Variants in NEK6 observed in about 807,000 individuals in gnomAD.
NEK6 encodes serine/threonine-protein kinase Nek6.
In NEK6, 27 loss-of-function variants were observed where a neutral mutation model predicts 43.5. The observed-to-expected ratio is 0.62, with a 90% CI of 0.46 to 0.86. NEK6 has a LOEUF of 0.86. Ranked by LOEUF, NEK6 falls within the 40% of genes least tolerant of loss-of-function variation. The pLI is 0.00. For missense variants in NEK6, 318 were observed against 414.4 expected (o/e 0.77, Z 2.02); for synonymous variants, 167 against 164.1 (o/e 1.02, Z -0.14).
intron 1 of NEK6, among the ~76,000 whole-genome samples, chr9:124,294,849 G>GC (rs1247083805): frequency 3.3e-5 from 5 of 152,212 alleles, no homozygotes; most frequent in African/African-American, 1.2e-4. Flanking sequence ...AGGCTGGGCT[G>GC]CAGGGGAGTG....
intron 8 of NEK6, among the ~76,000 whole-genome samples, chr9:124,340,252 GT>G (rs930770884): frequency 6.6e-6 from 1 of 152,216 alleles, no homozygotes; most frequent in Non-Finnish European, 1.5e-5. Flanking sequence ...GAGCCCAGAC[GT>G]GAGACAATAA....
At chr9:124,331,489 G>A (rs906907484) in intron 7 of NEK6, among the ~76,000 whole-genome samples, 1 of 152,144 alleles carries the variant, frequency 6.6e-6, no homozygotes, top group Admixed American at 6.5e-5. Flanking sequence ...GAGGGTTTGG[G>A]TTGTGGGTGC....
intron 1 of NEK6, among the ~76,000 whole-genome samples, chr9:124,296,154 G>A (rs761912920): frequency 4.6e-5 from 7 of 152,256 alleles, no homozygotes; most frequent in Non-Finnish European, 7.3e-5. Context: ...ATCCATCCTC[G>A]GCTTCTGCCA....
chr9:124,263,216 A>G (rs1055318066), intron 1 of NEK6, among the ~76,000 whole-genome samples: 1 of 152,240 alleles, frequency 6.6e-6, no homozygotes, highest in Non-Finnish European at 1.5e-5. Context: ...AGAGCTTCGC[A>G]CACACCCACT....
chr9:124,323,355 C>A (rs1834167324), intron 5 of NEK6, among the ~76,000 whole-genome samples: 1 of 152,178 alleles, frequency 6.6e-6, no homozygotes. Context: ...TCACGTAGGG[C>A]CTGTTGCTCC....
At chr9:124,280,264 A>G (rs531839546) in intron 1 of NEK6, among the ~76,000 whole-genome samples, 30 of 152,264 alleles carry the variant, frequency 2.0e-4, no homozygotes, top group African/African-American at 7.0e-4. Context: ...CCCAGAAAAG[A>G]GTGTGTTTCC....
chr9:124,261,374 C>A, intron 1 of NEK6: 1 of 982,768 alleles, frequency 1.0e-6, no homozygotes, highest in Non-Finnish European at 1.2e-6. Context: ...TTCCTCTTCT[C>A]AGGCTAGACC....
chr9:124,270,328 A>G (rs1045774), intron 1 of NEK6, among the ~76,000 whole-genome samples: 52,071 of 152,012 alleles, frequency 0.34, 9,111 homozygotes, highest in South Asian at 0.38. Context: ...CTGAGTGTCC[A>G]AGAAGCCTCT....
At chr9:124,292,492 G>T (rs998774878) in intron 1 of NEK6, 6 of 1,537,104 alleles carry the variant, frequency 3.9e-6, no homozygotes, top group Non-Finnish European at 5.2e-6. Context: ...AGCTTTCCCT[G>T]CATGGAGGCC....
At chr9:124,306,555 T>C (rs1833264394) in intron 2 of NEK6, among the ~76,000 whole-genome samples, 1 of 152,148 alleles carries the variant, frequency 6.6e-6, no homozygotes, top group Non-Finnish European at 1.5e-5. Flanking sequence ...GAGGAGTTGC[T>C]TACTCAATGC....
chr9:124,327,831 T>C (rs541950803), intron 7 of NEK6, among the ~76,000 whole-genome samples: 27 of 152,300 alleles, frequency 1.8e-4, no homozygotes, highest in African/African-American at 6.5e-4. Context: ...AGTTTCTGGC[T>C]TTTAAACTGG....
At chr9:124,312,043 G>C (rs1368768833) in intron 2 of NEK6, among the ~76,000 whole-genome samples, 1 of 152,222 alleles carries the variant, frequency 6.6e-6, no homozygotes, top group Non-Finnish European at 1.5e-5. Context: ...GCTGCCCCAG[G>C]AAGGGAACTT....
rs1204267398 is a variant in NEK6, at chr9:124,339,572, G to A, written c.624G>A (p.Val208=). The A allele has an allele frequency of 1.9e-6, 3 of 1,612,984 alleles. No individual in the cohort carries two copies. The highest frequency in any genetic ancestry group is 1.7e-5 in the Admixed American group (1 of 60,010). ...SSETTAAHSL[V]GTPYYMSPER... ...GCCCCGCCCCTTGCTGTGTTGCAGTGGGGACGCCCTACTACATGTCACCGG... is the reference window on the plus strand; with the variant it reads ...GCCCCGCCCCTTGCTGTGTTGCAGTAGGGACGCCCTACTACATGTCACCGG... Residue 208 remains valine, a splice_region_variant and synonymous_variant, in exon 8 of 10, where the codon GTG becomes GTA. Coordinates refer to ENST00000320246, the MANE Select transcript of NEK6 (RefSeq NM_014397.6).
Position 124,350,895 on chromosome 9 carries a change from G to A in NEK6, c.890G>A (p.Gly297Glu). 1 of 1,612,174 alleles carries A rather than the reference G, an allele frequency of 6.2e-7. No individual in the cohort carries two copies. ...CPDPHQRPDI[G>E]YVHQVAKQMH... is the part of the protein sequence containing the mutation. ...GACCCCCACCAGAGACCTGACATCG[G>A]ATACGTGCACCAGGTGGCCAAGCAG... Residue 297 changes from glycine to glutamate, a missense_variant, in exon 10 of 10, where the codon GGA (glycine) becomes GAA (glutamate). Physicochemically the swap from Gly to Glu is moderately conservative, Grantham distance 98 (BLOSUM62 -2). This residue lies in a region of NEK6 where 79 missense variants were observed against 70.0 expected (regional missense o/e 1.13). Coordinates refer to ENST00000320246, the MANE Select transcript of NEK6 (RefSeq NM_014397.6).
In NEK6 at chr9:124,258,076, C is replaced by T; in HGVS notation, c.-39C>T. The stretch of plus-strand genomic sequence containing the variant: ...GTCCCCCAGCGGCAGCCGAGCCCGC[C>T]CGCGCGCCGGTGAGTCGCCTGGGGC... On this transcript the variant is annotated 5_prime_UTR_variant, in exon 1 of 10. Coordinates refer to ENST00000320246, the MANE Select transcript of NEK6 (RefSeq NM_014397.6). The T allele has an allele frequency of 3.1e-6, 3 of 979,298 alleles. No individual in the cohort carries two copies. The highest frequency in any genetic ancestry group is 3.6e-6 in the Non-Finnish European group (3 of 827,606). 60.7% of individuals were successfully genotyped at this position (979,298 alleles called of 1,614,324 possible).
chr9:124,258,554 T>C (rs931722253), intron 1 of NEK6, among the ~76,000 whole-genome samples: 2 of 152,192 alleles, frequency 1.3e-5, no homozygotes, highest in African/African-American at 4.8e-5. Context: ...AAAGTATGCC[T>C]GTGTGGGTGT....
Position 124,343,850 on chromosome 9 carries a change from T to G in NEK6, c.718-3859T>G, listed in dbSNP as rs1427276353. 3.3e-5 allele frequency among the ~76,000 whole-genome samples: 5 copies of G among 152,026 alleles called. No individual in the cohort carries two copies. The highest frequency in any genetic ancestry group is 2.6e-4 in the Admixed American group (4 of 15,270). On this transcript the variant is annotated intron_variant, in intron 8 of 9. Coordinates refer to ENST00000320246, the MANE Select transcript of NEK6 (RefSeq NM_014397.6). The surrounding 1 kb of genome is among the most constrained non-coding windows in gnomAD (Gnocchi z 5.1). ...CAAGCCCCAGCACAGCCCGGAAGGC[T>G]CAAAAGCCCCTGTGCTCATCCCTGT...
chr9:124,352,373 G>GTACTT lies in NEK6; in HGVS notation c.*1428_*1432dup, dbSNP rs1830318821. ...TCTCTCCATATGCAGCCTTTCCTCT[G>GTACTT]TACTTTTCTCCATGGTTGAAATAAA... is the stretch of plus-strand genomic sequence containing the variant. On this transcript the variant is annotated 3_prime_UTR_variant, in exon 10 of 10. Transcript: ENST00000320246. The GTACTT allele has an allele frequency of 6.6e-6, 1 of 152,330 alleles. No individual in the cohort carries two copies. Among genetic ancestry groups the GTACTT allele is most frequent in the Admixed American group, 6.5e-5 (1 of 15,300 alleles). The allele number at this position is 152,330 out of a possible 1,614,324, so 9.4% of individuals were successfully genotyped here.
intron 1 of NEK6, chr9:124,262,940 T>G (rs1023069951): frequency 1.3e-5 from 2 of 152,166 alleles, no homozygotes; most frequent in African/African-American, 4.8e-5. Flanking sequence ...GCTTGCGGGG[T>G]GGGTCATGTT....
Sources: allele counts gnomAD v4.1 joint callset (sites outside exome capture counted in the v4.1 genomes callset), GRCh38; gene constraint gnomAD v4.1.1; regional missense constraint gnomAD v4.1.1; non-coding constraint Gnocchi (gnomAD v3.1); transcripts MANE v1.5; gene names NCBI Gene and HGNC (gene_info 2026-07-23, HGNC 2026-07-21).